DOCK4: variants seen among roughly 807,000 people sequenced by gnomAD.
DOCK4 encodes dedicator of cytokinesis 4.
DOCK4 carries 97 observed loss-of-function variants against 268.1 expected under a neutral mutation model. The ratio of observed to expected loss-of-function variants is 0.36; its 90% CI spans 0.31 to 0.43. The LOEUF (loss-of-function observed/expected upper bound fraction) is 0.43. Among genes scored for constraint, DOCK4 ranks in the 20% least tolerant of loss-of-function variants. DOCK4 has a pLI of 1.00. For synonymous variants in DOCK4, 954 were observed against 887.2 expected, an observed-to-expected ratio of 1.08 and a Z score of -1.34; for missense variants, 2,145 against 2,455.7, an observed-to-expected ratio of 0.87 and a Z score of 2.67.
At chr7:111,834,744 TC>T in intron 25 of DOCK4, 58 bp from the exon 26 acceptor site, 1 of 1,191,202 alleles carries the variant, frequency 8.4e-7, no homozygotes, top group Non-Finnish European at 1.2e-6. Flanking sequence ...TAAAAGAACA[TC>T]AGTAACTTAC....
chr7:112,172,007 T>C (rs1213418154), intron 1 of DOCK4, among the ~76,000 whole-genome samples: 2 of 152,164 alleles, frequency 1.3e-5, no homozygotes, highest in African/African-American at 4.8e-5. Context: ...CCTCTTCTTA[T>C]ACAGACCCAG....
At chr7:111,857,148 T>C (rs1415689499) in intron 23 of DOCK4, among the ~76,000 whole-genome samples, 1 of 152,220 alleles carries the variant, frequency 6.6e-6, no homozygotes, top group East Asian at 1.9e-4. Flanking sequence ...TCATCAACTG[T>C]AGTAAGATTT....
At chr7:111,752,789 T>C (rs1442887379) in intron 42 of DOCK4, among the ~76,000 whole-genome samples, 1 of 151,840 alleles carries the variant, frequency 6.6e-6, no homozygotes, top group Non-Finnish European at 1.5e-5. Flanking sequence ...GGTTTCACCA[T>C]GTTGGTTAGG....
At chr7:112,016,960 C>T (rs1472581642) in intron 1 of DOCK4, among the ~76,000 whole-genome samples, 1 of 152,046 alleles carries the variant, frequency 6.6e-6, no homozygotes, top group Non-Finnish European at 1.5e-5. Context: ...CGATTTCAGC[C>T]AACATTTTCA....
At chr7:111,762,759 TTTC>T (rs927947918) in intron 39 of DOCK4, among the ~76,000 whole-genome samples, 6 of 112,052 alleles carry the variant, frequency 5.4e-5, no homozygotes, top group African/African-American at 2.2e-4. Flanking sequence ...TTTGTTTTGT[TTTC>T]TTTTTTTTTT....
chr7:112,016,858 C>T (rs1401402117), intron 1 of DOCK4, among the ~76,000 whole-genome samples: 1 of 152,110 alleles, frequency 6.6e-6, no homozygotes, highest in East Asian at 1.9e-4. Flanking sequence ...ACGTTTTTGT[C>T]CAATTTTCAT....
chr7:111,760,353 C>A, intron 39 of DOCK4, 31 bp from the exon 40 acceptor site: 1 of 1,602,778 alleles, frequency 6.2e-7, no homozygotes, highest in Non-Finnish European at 8.5e-7. Flanking sequence ...GAAATTAGGG[C>A]TATATAACTG....
chr7:112,007,782 T>A (rs1028397438), intron 1 of DOCK4, among the ~76,000 whole-genome samples: 3 of 152,234 alleles, frequency 2.0e-5, no homozygotes, highest in African/African-American at 7.2e-5. Flanking sequence ...GAAGCTTCAA[T>A]ATGCAATTCT....
intron 1 of DOCK4, among the ~76,000 whole-genome samples, chr7:112,195,219 T>C (rs6943448): frequency 0.056 from 8,474 of 152,162 alleles, 337 homozygotes; most frequent in Admixed American, 0.13. Flanking sequence ...GCAGAGGTTG[T>C]AGTGAGCCAA....
chr7:112,197,645 A>G (rs775413476), intron 1 of DOCK4, among the ~76,000 whole-genome samples: 1 of 152,240 alleles, frequency 6.6e-6, no homozygotes, highest in Non-Finnish European at 1.5e-5. Flanking sequence ...CTTTGTACCC[A>G]TATTAATAAA....
At chr7:112,005,104 C>CT (rs1437504796) in intron 1 of DOCK4, among the ~76,000 whole-genome samples, 1 of 152,092 alleles carries the variant, frequency 6.6e-6, no homozygotes, top group Admixed American at 6.6e-5. Flanking sequence ...CTGAAATCAA[C>CT]TAACAATTCA....
At chr7:112,139,577 G>A (rs1227243285) in intron 1 of DOCK4, among the ~76,000 whole-genome samples, 4 of 152,098 alleles carry the variant, frequency 2.6e-5, no homozygotes, top group African/African-American at 9.7e-5. Flanking sequence ...GAGGGAACAG[G>A]GAAAGTATCA....
intron 1 of DOCK4, among the ~76,000 whole-genome samples, chr7:112,130,092 G>C (rs1294035243): frequency 1.3e-5 from 2 of 152,154 alleles, no homozygotes; most frequent in African/African-American, 2.4e-5. Context: ...CGCATTCAGG[G>C]AAATTTGAGC....
intron 12 of DOCK4, among the ~76,000 whole-genome samples, chr7:111,931,518 T>C (rs2134673508): frequency 6.6e-6 from 1 of 152,300 alleles, no homozygotes; most frequent in East Asian, 1.9e-4. Context: ...GTGCTTCCCT[T>C]CCTTCCTGAA....
chr7:111,952,447 C>T (rs1796127227), intron 8 of DOCK4, among the ~76,000 whole-genome samples: 1 of 152,038 alleles, frequency 6.6e-6, no homozygotes, highest in African/African-American at 2.4e-5. Flanking sequence ...TTGGGAAGGC[C>T]AATATCAAAA....
chr7:112,167,280 T>C (rs1817689249), intron 1 of DOCK4, among the ~76,000 whole-genome samples: 1 of 152,150 alleles, frequency 6.6e-6, no homozygotes, highest in South Asian at 2.1e-4. Flanking sequence ...CACCCTCCAT[T>C]TGCAAGTGGA....
At chr7:112,067,963 TCA>T (rs1290203709) in intron 1 of DOCK4, among the ~76,000 whole-genome samples, 1 of 152,188 alleles carries the variant, frequency 6.6e-6, no homozygotes, top group Non-Finnish European at 1.5e-5. Context: ...AGACCATTAA[TCA>T]CTACACTTAA....
At chr7:112,136,995 G>A (rs1814417009) in intron 1 of DOCK4, among the ~76,000 whole-genome samples, 1 of 152,060 alleles carries the variant, frequency 6.6e-6, no homozygotes, top group Admixed American at 6.5e-5. Flanking sequence ...CTCCAATACT[G>A]AGCCAAAAAA....
rs757285648 is a variant in DOCK4, at chr7:111,900,353, C to T, written c.1480+21G>A. 12 of 1,608,966 alleles carry T rather than the reference C, an allele frequency of 7.5e-6. No individual in the cohort carries two copies. In the African/African-American group the frequency reaches 1.6e-4, roughly 21 times the overall value. On this transcript the variant is annotated intron_variant, in intron 15 of 52. Transcript: ENST00000428084. ...ACTCCAGCACAATAGACACAGGTAG[C>T]CAATGCCACCAAACACTTACTGGAA...
Sources: allele counts gnomAD v4.1 joint callset (sites outside exome capture counted in the v4.1 genomes callset), GRCh38; gene constraint gnomAD v4.1.1; transcripts MANE v1.5; gene names NCBI Gene and HGNC (gene_info 2026-07-23, HGNC 2026-07-21).